AVEN: variants seen among roughly 807,000 people sequenced by gnomAD.
AVEN encodes cell death regulator Aven.
A neutral mutation model predicts 38.1 loss-of-function variants in AVEN; 41 were observed. The ratio of observed to expected loss-of-function variants is 1.08; its 90% CI spans 0.84 to 1.40. The LOEUF is 1.40. Ranked by LOEUF, AVEN falls within the 40% of genes most tolerant of loss-of-function variation. The probability of loss-of-function intolerance (pLI) is 0.00; values close to 1 mark genes in which losing one functional copy is unlikely to be tolerated. For missense variants in AVEN, 605 were observed against 438.8 expected (o/e 1.38, Z -3.38); for synonymous variants, 206 against 171.8 (o/e 1.20, Z -1.56).
chr15:33,869,029 G>A (rs118139889), intron 4 of AVEN, among the ~76,000 whole-genome samples: 3,082 of 152,270 alleles, frequency 0.02, 98 homozygotes, highest in Non-Finnish European at 0.019. Flanking sequence ...AACCTCTACT[G>A]GAGGTCCTGA....
chr15:33,895,109 G>A (rs1210247474), intron 2 of AVEN, among the ~76,000 whole-genome samples: 1 of 151,936 alleles, frequency 6.6e-6, no homozygotes, highest in East Asian at 1.9e-4. Context: ...CCCATCTGTA[G>A]GTGTTTGGAT....
At chr15:33,861,221 A>G (rs1239747268) in intron 11 of AVEN, 9 of 1,412,200 alleles carry the variant, frequency 6.4e-6, no homozygotes, top group Non-Finnish European at 6.9e-6. Context: ...GCTGTAGCGT[A>G]AATAAAGCCA....
intron 2 of AVEN, among the ~76,000 whole-genome samples, chr15:33,910,686 G>A (rs563300589): frequency 1.3e-5 from 2 of 152,158 alleles, no homozygotes; most frequent in Non-Finnish European, 2.9e-5. Context: ...CTGTCTAATG[G>A]GACACATTGG....
At chr15:33,976,557 A>T (rs995647973) in intron 2 of AVEN, among the ~76,000 whole-genome samples, 3 of 152,170 alleles carry the variant, frequency 2.0e-5, no homozygotes, top group South Asian at 2.1e-4. Context: ...TAGACAACAC[A>T]CTTTTATTCT....
chr15:34,008,945 TGC>T (rs71119911), intron 1 of AVEN, among the ~76,000 whole-genome samples: 10,632 of 148,922 alleles, frequency 0.071, 431 homozygotes, highest in Non-Finnish European at 0.08. Context: ...CACTCACACG[TGC>T]GCGCGCGCAC....
chr15:33,853,156 C>T, the AVEN span: 3,619 of 1,266,104 alleles, frequency 2.9e-3, 6 homozygotes, highest in Non-Finnish European at 3.6e-3. Flanking sequence ...TTAAGTTCTC[C>T]ACATACAAAC....
intron 5 of AVEN, among the ~76,000 whole-genome samples, chr15:34,056,965 AGAGGTT>A (rs986268605): frequency 2.6e-5 from 4 of 152,060 alleles, no homozygotes; most frequent in Non-Finnish European, 5.9e-5. Context: ...CTTGAGCCCA[AGAGGTT>A]GAGGTTGCAG....
intron 1 of AVEN, among the ~76,000 whole-genome samples, chr15:34,028,324 G>A (rs1052318927): frequency 6.6e-6 from 1 of 152,138 alleles, no homozygotes; most frequent in Non-Finnish European, 1.5e-5. Context: ...CAGCACTTTG[G>A]GAAGCCAAGG....
chr15:34,073,512 CTT>C (rs1900671850), intron 1 of AVEN, among the ~76,000 whole-genome samples: 1 of 116,188 alleles, frequency 8.6e-6, no homozygotes, highest in Non-Finnish European at 1.6e-5. Context: ...CTTTTCTTTT[CTT>C]TTTTCTTTTT....
At chr15:33,997,197 T>C (rs1371711254) in intron 2 of AVEN, among the ~76,000 whole-genome samples, 2 of 152,054 alleles carry the variant, frequency 1.3e-5, no homozygotes, top group Non-Finnish European at 2.9e-5. Context: ...AATTGATAAA[T>C]TCAACTAAAA....
At chr15:33,854,930 G>A (rs746794542), downstream of AVEN, 22 of 1,602,440 alleles carry the variant, frequency 1.4e-5, no homozygotes, top group Admixed American at 3.4e-4. Context: ...TTCTACTGAT[G>A]CAGAACAGAA....
chr15:33,870,160 C>A (rs142862212), intron 4 of AVEN, among the ~76,000 whole-genome samples: 1 of 152,198 alleles, frequency 6.6e-6, no homozygotes, highest in Non-Finnish European at 1.5e-5. Flanking sequence ...CTTTGAAGTA[C>A]CTCAGTACAG....
In AVEN at chr15:34,038,890, G is replaced by A. The variant is rs1329664096; in HGVS notation, c.157C>T (p.Arg53Cys). The change falls in exon 1 of 6, where the codon CGT (arginine) becomes TGT (cysteine). Residue 53 changes from arginine to cysteine, a missense_variant. By Grantham distance (180) the Arg-to-Cys change is radical. Transcript: ENST00000306730. ...CCGCGGAAGCCCCGGCCACGGCCAC[G>A]GCCCCGGCGTCCGCCTCCGTCCCCG... ...GGGDGGGRRG[R>C]GRGRGFRGAR... is the part of the protein sequence containing the mutation. 6 of 1,134,562 alleles carry A rather than the reference G, an allele frequency of 5.3e-6. No individual in the cohort carries two copies. Among genetic ancestry groups the A allele is most frequent in the Non-Finnish European group, 6.4e-6 (6 of 930,602 alleles). The allele number at this position is 1,134,562 out of a possible 1,614,324, so 70.3% of individuals were successfully genotyped here. A position where few individuals can be genotyped will look rare whatever the true frequency, so the allele number is the denominator to read the frequency against.
At chr15:33,925,634 C>A (rs1010630131) in intron 2 of AVEN, among the ~76,000 whole-genome samples, 10 of 152,114 alleles carry the variant, frequency 6.6e-5, no homozygotes, top group Admixed American at 2.0e-4. Flanking sequence ...CGGGTGAGAG[C>A]TGATACTACT....
intron 4 of AVEN, among the ~76,000 whole-genome samples, chr15:33,868,462 G>A (rs895451223): frequency 9.4e-5 from 14 of 149,128 alleles, no homozygotes; most frequent in African/African-American, 2.7e-4. Context: ...GGAGAATGGC[G>A]TGAACCTGGG....
chr15:34,008,434 A>G (rs1480793948), intron 1 of AVEN, among the ~76,000 whole-genome samples: 1 of 151,496 alleles, frequency 6.6e-6, no homozygotes, highest in Non-Finnish European at 1.5e-5. Context: ...AAAGAAAAAA[A>G]AAAAGAAGAA....
chr15:33,914,660 G>A (rs1893053677), intron 2 of AVEN, among the ~76,000 whole-genome samples: 1 of 150,688 alleles, frequency 6.6e-6, no homozygotes, highest in Non-Finnish European at 1.5e-5. Flanking sequence ...TGAGTGACAA[G>A]GTTCTCATCA....
At chr15:34,016,487 A>AT (rs1229934250) in intron 1 of AVEN, among the ~76,000 whole-genome samples, 1 of 151,710 alleles carries the variant, frequency 6.6e-6, no homozygotes, top group African/African-American at 2.4e-5. Context: ...TTTTTCTTAC[A>AT]AATTTCCCCC....
At chr15:33,887,391 T>G (rs1314881556) in intron 2 of AVEN, among the ~76,000 whole-genome samples, 1 of 152,196 alleles carries the variant, frequency 6.6e-6, no homozygotes, top group East Asian at 1.9e-4. Context: ...TCAACATTTT[T>G]TTCAGTTCTA....
Sources: gnomAD v4.1 joint callset for allele counts (sites outside exome capture counted in the v4.1 genomes callset) on GRCh38, gnomAD v4.1.1 for gene constraint, MANE v1.5 for transcripts, NCBI Gene and HGNC (gene_info 2026-07-23, HGNC 2026-07-21) for gene names.